The following ATG9A variants were observed in gnomAD, a reference collection of about 807,000 sequenced individuals.
ATG9A encodes autophagy related 9A.
Under a neutral mutation model 87.1 loss-of-function variants are expected in ATG9A, and 21 were observed. That is an observed-to-expected ratio of 0.24 (90% CI 0.17 to 0.35). The LOEUF is 0.35. Among genes scored for constraint, ATG9A ranks in the 10% least tolerant of loss-of-function variants. ATG9A has a pLI of 1.00. For synonymous variants in ATG9A, 422 were observed against 441.3 expected (o/e 0.96, Z 0.55); for missense variants, 836 against 1,107.3 (o/e 0.76, Z 3.48).
At chr2:219,225,329 G>A (rs1950839526) in intron 6 of ATG9A, 82 bp downstream of exon 6, 4 of 1,594,108 alleles carry the variant, frequency 2.5e-6, no homozygotes, top group Non-Finnish European at 3.4e-6. Context: ...TGGAGTATGA[G>A]TTGCTGCCTC....
At chr2:219,220,971 G>C in intron 14 of ATG9A, 79 bp from the exon 15 acceptor site, 1 of 1,592,598 alleles carries the variant, frequency 6.3e-7, no homozygotes. Context: ...CTGCTTGGGG[G>C]GTGAGTCTTT....
Position 219,224,189 on chromosome 2 carries a change from G to C in ATG9A, c.1182C>G (p.Leu394=). The C allele has an allele frequency of 6.2e-7, 1 of 1,613,800 alleles. No homozygotes were observed. The highest frequency in any genetic ancestry group is 8.5e-7 in the Non-Finnish European group (1 of 1,180,046). The change falls in exon 8 of 16, where the codon CTC becomes CTG. Residue 394 remains leucine (L), a synonymous_variant. Transcript: ENST00000361242. This position sits in a 1 kb window ranked among gnomAD's most constrained non-coding sequence, Gnocchi z 7.7. ...CCAACACATCTTCGTCATAAATGGT[G>C]AGGGCAATAAGCACAGCCAGGATGG... ...AGSILAVLIA[L]TIYDEDVLAV...
Position 219,221,216 on chromosome 2 carries a change from A to C in ATG9A, c.2232T>G (p.Asp744Glu). 4 of 1,589,356 alleles carry C rather than the reference A, an allele frequency of 2.5e-6. No homozygotes were observed. The highest frequency in any genetic ancestry group is 3.4e-6 in the Non-Finnish European group (4 of 1,168,106). Residue 744 changes from aspartate (D) to glutamate (E), a missense_variant, in exon 14 of 16, where the codon GAT becomes GAG. Physicochemically the swap from Asp to Glu is conservative, Grantham distance 45. Around this residue, in one of 2 missense-constraint regions of ATG9A, gnomAD observed 324 missense variants for 347.6 expected, o/e 0.93. Coordinates refer to ENST00000361242, the MANE Select transcript of ATG9A (RefSeq NM_001077198.3). ...GGGCCCGGGCGCCCTCTCCCCCTTCATCAGGGGCGCTTTCTCCACTCTCAT... is the reference window on the plus strand; with the variant it reads ...GGGCCCGGGCGCCCTCTCCCCCTTCCTCAGGGGCGCTTTCTCCACTCTCAT... Reference protein sequence around the residue: ...ESDESGESAPDEGGEGARAPQ... With the variant: ...ESDESGESAPEEGGEGARAPQ...
Position 219,224,464 on chromosome 2 carries a change from G to A in ATG9A, c.907C>T (p.Leu303Phe). 2 of 1,614,048 alleles carry A rather than the reference G, an allele frequency of 1.2e-6. No individual in the cohort carries two copies. Among genetic ancestry groups the A allele is most frequent in the Non-Finnish European group, 1.7e-6 (2 of 1,179,990 alleles). ...TAGAGGATTTGCCATATGAGGATGA[G>A]GGGGCACAGCAGGAAGTTAGCGATG... is the stretch of plus-strand genomic sequence containing the variant. The part of the protein sequence containing the change: ...IGIANFLLCP[L>F]ILIWQILYAF... The change falls in exon 8 of 16, where the codon CTC (leucine) becomes TTC (phenylalanine). Residue 303 changes from leucine (L) to phenylalanine (F), a missense_variant. This residue lies in a region of ATG9A where 512 missense variants were observed against 759.6 expected (regional missense o/e 0.67). Transcript: ENST00000361242. The surrounding 1 kb of genome is among the most constrained non-coding windows in gnomAD (Gnocchi z 7.7).
intron 4 of ATG9A, 87 bp from the exon 5 acceptor site, chr2:219,227,020 C>G: frequency 8.9e-7 from 1 of 1,119,456 alleles, no homozygotes; most frequent in South Asian, 1.3e-5. Context: ...TAAGTCCTGG[C>G]TCTGTGACTT....
In ATG9A at chr2:219,224,648, G is replaced by T; in HGVS notation, c.723C>A (p.Val241=). The T allele has an allele frequency of 6.2e-7, 1 of 1,614,250 alleles. No individual in the cohort carries two copies. The highest frequency in any genetic ancestry group is 2.2e-5 in the East Asian group (1 of 44,892). ...RFRLPGLGEA[V]FFTRGLKYNF... is the part of the protein sequence containing the mutation. ...TGTACTTGAGACCACGGGTGAAGAAGACAGCTTCCCCGAGGCCAGGCAGGC... is the reference window on the plus strand; with the variant it reads ...TGTACTTGAGACCACGGGTGAAGAATACAGCTTCCCCGAGGCCAGGCAGGC... The change falls in exon 8 of 16, where the codon GTC becomes GTA. Residue 241 remains valine, a synonymous_variant. Transcript: ENST00000361242. This position sits in a 1 kb window ranked among gnomAD's most constrained non-coding sequence, Gnocchi z 7.7.
In ATG9A at chr2:219,224,732, G is replaced by A. The variant is rs775954345; in HGVS notation, c.639C>T (p.Leu213=). 1 of 1,614,274 alleles carries A rather than the reference G, an allele frequency of 6.2e-7. No homozygotes were observed. The highest frequency in any genetic ancestry group is 1.1e-5 in the South Asian group (1 of 91,090). ...LTELDIYHRI[L]RFQNYMVALV... ...GTGCCACCATGTAGTTCTGGAAACGGAGGATGCGGTGGTAGATGTCCAGTT... is the reference window on the plus strand; with the variant it reads ...GTGCCACCATGTAGTTCTGGAAACGAAGGATGCGGTGGTAGATGTCCAGTT... Residue 213 remains leucine (L), a synonymous_variant, in exon 8 of 16, where the codon CTC becomes CTT. Transcript: ENST00000361242. This position sits in a 1 kb window ranked among gnomAD's most constrained non-coding sequence, Gnocchi z 7.7.
chr2:219,227,065 G>C, intron 4 of ATG9A, 132 bp from the exon 5 acceptor site: 1 of 744,570 alleles, frequency 1.3e-6, no homozygotes, highest in South Asian at 1.5e-5. Flanking sequence ...TACTTAACCT[G>C]TCTAAACTTT....
chr2:219,227,911 C>T lies in ATG9A; in HGVS notation c.103+11G>A. ...CAACTCTCCCTATGGCTGTCATATC[C>T]AAGAACTCACACTTGCTCCCCTCGG... On this transcript the variant is annotated intron_variant, in intron 3 of 15. Transcript: ENST00000361242. The T allele has an allele frequency of 6.2e-7, 1 of 1,613,980 alleles. No homozygotes were observed. Among genetic ancestry groups the T allele is most frequent in the South Asian group, 1.1e-5 (1 of 91,080 alleles).
In ATG9A at chr2:219,223,979, G is replaced by C. The variant is rs1280202118; in HGVS notation, c.1309C>G (p.Leu437Val). The C allele has an allele frequency of 6.2e-7, 1 of 1,613,880 alleles. No homozygotes were observed. Among genetic ancestry groups the C allele is most frequent in the Admixed American group, 1.7e-5 (1 of 60,014 alleles). Residue 437 changes from leucine to valine, a missense_variant, in exon 9 of 16, where the codon CTG (leucine) becomes GTG (valine). Leu to Val is a conservative substitution (Grantham distance 32). Coordinates refer to ENST00000361242, the MANE Select transcript of ATG9A (RefSeq NM_001077198.3). This position sits in a 1 kb window ranked among gnomAD's most constrained non-coding sequence, Gnocchi z 4.7. The part of the protein sequence containing the change: ...DQHMVFCPEQ[L>V]LRVILAHIHY... Reference sequence around the variant, plus strand: ...ATGTGAGCGAGGATCACGCGGAGCAGCTGCTCAGGGCAGAACACCATGTGC... The same window carrying C: ...ATGTGAGCGAGGATCACGCGGAGCACCTGCTCAGGGCAGAACACCATGTGC...
chr2:219,222,375 A>C lies in ATG9A; in HGVS notation c.1924T>G (p.Ser642Ala). 1.9e-6 allele frequency: 3 copies of C among 1,611,010 alleles called. No homozygotes were observed. Among genetic ancestry groups the C allele is most frequent in the Non-Finnish European group, 2.5e-6 (3 of 1,178,774 alleles). Residue 642 changes from serine to alanine, a missense_variant, in exon 12 of 16, where the codon TCC becomes GCC. By Grantham distance (99) the Ser-to-Ala change is moderately conservative (BLOSUM62 1). Transcript: ENST00000361242. The surrounding 1 kb of genome is among the most constrained non-coding windows in gnomAD (Gnocchi z 4.3). ...GPPLPRDLQGSRHRAEVASAL... is the reference protein window; with the variant it reads ...GPPLPRDLQGARHRAEVASAL... Reference sequence around the variant, plus strand: ...GAGGCGACTTCAGCCCTGTGCCTGGAGCCCTGCAGGTCTCTGGGCAGTGGA... The same window carrying C: ...GAGGCGACTTCAGCCCTGTGCCTGGCGCCCTGCAGGTCTCTGGGCAGTGGA...
chr2:219,221,606 CAA>C (rs1950761155), intron 13 of ATG9A, among the ~76,000 whole-genome samples: 2 of 151,980 alleles, frequency 1.3e-5, no homozygotes, highest in African/African-American at 4.8e-5. Flanking sequence ...TAGCAGTGAA[CAA>C]AACAGACAGA....
rs1574833862 is a variant in ATG9A at position 219,226,860 on chromosome 2, T to G, written c.212+9A>C. On this transcript the variant is annotated intron_variant, in intron 5 of 15. Transcript: ENST00000361242. ...TTTCACCACATCATCTGTCCCTTCT[T>G]ATACTTACATGAGCTCAAAGATCTC... 1.9e-6 allele frequency: 3 copies of G among 1,608,214 alleles called. No homozygotes were observed. The East Asian group carries it at 6.7e-5, about 36-fold the overall frequency.
Position 219,222,159 on chromosome 2 carries a change from G to A in ATG9A, c.2036C>T (p.Ala679Val), listed in dbSNP as rs535770515. 5 of 1,613,618 alleles carry A rather than the reference G, an allele frequency of 3.1e-6. No homozygotes were observed. In the African/African-American group the frequency reaches 4.0e-5, roughly 13 times the overall value. The change falls in exon 13 of 16, where the codon GCC becomes GTC. Residue 679 changes from alanine to valine, a missense_variant. By Grantham distance (64) the Ala-to-Val change is moderately conservative. Coordinates refer to ENST00000361242, the MANE Select transcript of ATG9A (RefSeq NM_001077198.3). This position sits in a 1 kb window ranked among gnomAD's most constrained non-coding sequence, Gnocchi z 4.3. ...GCTGCTCCCGGAGCTGGCTGTCCTG[G>A]CATCCACCCTGTCTCTCCCAACAGA... is the stretch of plus-strand genomic sequence containing the variant. Reference protein sequence around the residue: ...HSTMTGSGVDARTASSGSSVW... With the variant: ...HSTMTGSGVDVRTASSGSSVW...
chr2:219,228,796 A>G (rs1184750199), intron 1 of ATG9A: 1 of 152,246 alleles, frequency 6.6e-6, no homozygotes, highest in African/African-American at 2.4e-5. Context: ...CAGAAATGAC[A>G]TACTTCTCAG....
chr2:219,226,765 C>T (rs1324933388), intron 5 of ATG9A, 104 bp downstream of exon 5: 1 of 1,076,040 alleles, frequency 9.3e-7, no homozygotes, highest in Non-Finnish European at 1.4e-6. Context: ...GAGTTTTAGC[C>T]TAGGACTGAG....
chr2:219,221,922 A>C (rs1950768401), intron 13 of ATG9A, 128 bp downstream of exon 13: 1 of 802,502 alleles, frequency 1.2e-6, no homozygotes, highest in Non-Finnish European at 2.0e-6. Flanking sequence ...TTAGCTAAAA[A>C]GGATATTAAG....
chr2:219,225,012 A>G (rs1950833163), intron 7 of ATG9A, 59 bp downstream of exon 7: 5 of 1,604,262 alleles, frequency 3.1e-6, no homozygotes, highest in Non-Finnish European at 4.3e-6. Flanking sequence ...CCAGGAATAC[A>G]CCCACACCTC....
intron 13 of ATG9A, 137 bp downstream of exon 13, chr2:219,221,913 T>C: frequency 1.3e-6 from 1 of 761,700 alleles, no homozygotes; most frequent in Non-Finnish European, 2.1e-6. Context: ...AGAGCAGGCT[T>C]AGCTAAAAAG....
Sources: allele counts gnomAD v4.1 joint callset (sites outside exome capture counted in the v4.1 genomes callset), GRCh38; gene constraint gnomAD v4.1.1; regional missense constraint gnomAD v4.1.1; non-coding constraint Gnocchi (gnomAD v3.1); transcripts MANE v1.5; gene names NCBI Gene and HGNC (gene_info 2026-07-23, HGNC 2026-07-21).